PIGV: variants seen among roughly 807,000 people sequenced by gnomAD.
PIGV encodes the protein phosphatidylinositol glycan anchor biosynthesis class V.
Under a neutral mutation model 39.2 loss-of-function variants are expected in PIGV, and 27 were observed. That is an observed-to-expected ratio of 0.69 (90% CI 0.51 to 0.95). The LOEUF is 0.95. PIGV is among the 40% of genes least tolerant of loss of function. The probability of loss-of-function intolerance (pLI) is 0.00; values close to 1 mark genes in which losing one functional copy is unlikely to be tolerated. For missense variants in PIGV, 523 were observed against 586.4 expected, an observed-to-expected ratio of 0.89 and a Z score of 1.12; for synonymous variants, 232 against 241.7, an observed-to-expected ratio of 0.96 and a Z score of 0.37.
chr1:26,789,641 G>A (rs979171511), intron 1 of PIGV, among the ~76,000 whole-genome samples: 1 of 152,212 alleles, frequency 6.6e-6, no homozygotes, highest in African/African-American at 2.4e-5. Flanking sequence ...ATAAGCAATA[G>A]CAATAACGGC....
chr1:26,794,673 C>G lies in PIGV; in HGVS notation c.639C>G (p.Leu213=), dbSNP rs757584244. 1 of 1,614,250 alleles carries G rather than the reference C, an allele frequency of 6.2e-7. No individual in the cohort carries two copies. Among genetic ancestry groups the G allele is most frequent in the Non-Finnish European group, 8.5e-7 (1 of 1,180,044 alleles). Reference sequence around the variant, plus strand: ...ACGGGCTGGTCAGTGTTGGCTTCCTCATGCATTCTCAATGCCAAGGCTTTT... The same window carrying G: ...ACGGGCTGGTCAGTGTTGGCTTCCTGATGCATTCTCAATGCCAAGGCTTTT... The part of the protein sequence containing the change: ...RSNGLVSVGF[L]MHSQCQGFFS... The change falls in exon 3 of 4, where the codon CTC becomes CTG. Residue 213 remains leucine (L), a synonymous_variant. Coordinates refer to ENST00000674202, the MANE Select transcript of PIGV (RefSeq NM_017837.4).
intron 1 of PIGV, among the ~76,000 whole-genome samples, chr1:26,790,519 C>T (rs1337355270): frequency 6.6e-6 from 1 of 152,194 alleles, no homozygotes; most frequent in Non-Finnish European, 1.5e-5. Flanking sequence ...TAAAAGATTT[C>T]TGTGACCTTA....
chr1:26,797,765 C>A lies in PIGV; in HGVS notation c.1403C>A (p.Thr468Lys). The part of the protein sequence containing the change: ...LYHWKTCSPV[T>K]RYILGYFLTY... ...CACTGGAAAACCTGTTCTCCAGTCA[C>A]ACGATACATTCTAGGCTACTTCCTG... is the stretch of plus-strand genomic sequence containing the variant. The change falls in exon 4 of 4, where the codon ACA becomes AAA. Residue 468 changes from threonine to lysine, a missense_variant. Physicochemically the swap from Thr to Lys is moderately conservative, Grantham distance 78. Transcript: ENST00000674202. 1 of 1,613,872 alleles carries A rather than the reference C, an allele frequency of 6.2e-7. No homozygotes were observed. The highest frequency in any genetic ancestry group is 8.5e-7 in the Non-Finnish European group (1 of 1,179,724).
At position 26,792,265 on chromosome 1, in the gene PIGV, T is replaced by C. The variant is rs892886992; in HGVS notation, c.78+1372T>C. On this transcript the variant is annotated intron_variant, in intron 2 of 3. Coordinates refer to ENST00000674202, the MANE Select transcript of PIGV (RefSeq NM_017837.4). ...CCTCCCAGGTTTAAATGATTCTCCC[T>C]CCTCAGGCTCTGAAGTAGCTGAGGC... Among the ~76,000 whole-genome samples, 3 of 151,204 alleles carry C rather than the reference T, an allele frequency of 2.0e-5. No homozygotes were observed. The East Asian group carries it at 5.8e-4, about 29-fold the overall frequency.
chr1:26,794,581 C>A lies in PIGV; in HGVS notation c.547C>A (p.Gln183Lys). 1 of 1,614,222 alleles carries A rather than the reference C, an allele frequency of 6.2e-7. No homozygotes were observed. Among genetic ancestry groups the A allele is most frequent in the South Asian group, 1.1e-5 (1 of 91,078 alleles). Reference sequence around the variant, plus strand: ...CCTCCTGACATTCAGTGCCATGGGGCAGCTGGAGAGGGGCCGAGTCTGGAC... The same window carrying A: ...CCTCCTGACATTCAGTGCCATGGGGAAGCTGGAGAGGGGCCGAGTCTGGAC... ...FALLTFSAMG[Q>K]LERGRVWTSV... is the part of the protein sequence containing the mutation. Residue 183 changes from glutamine to lysine, a missense_variant, in exon 3 of 4, where the codon CAG becomes AAG. By Grantham distance (53) the Gln-to-Lys change is moderately conservative. Coordinates refer to ENST00000674202, the MANE Select transcript of PIGV (RefSeq NM_017837.4).
In PIGV at chr1:26,795,207, G is replaced by A; in HGVS notation, c.1173G>A (p.Leu391=). The A allele has an allele frequency of 6.2e-7, 1 of 1,613,910 alleles. No individual in the cohort carries two copies. Among genetic ancestry groups the A allele is most frequent in the Non-Finnish European group, 8.5e-7 (1 of 1,180,044 alleles). ...TGGTCCACGCTGCAGTGCTGCTGCT[G>A]TTTGGAGGTCTGTGCATGCATGTTC... ...VYVVHAAVLL[L]FGGLCMHVQV... is the part of the protein sequence containing the mutation. Residue 391 remains leucine, a synonymous_variant, in exon 3 of 4, where the codon CTG becomes CTA. Coordinates refer to ENST00000674202, the MANE Select transcript of PIGV (RefSeq NM_017837.4).
Position 26,794,242 on chromosome 1 carries a change from C to T in PIGV, c.208C>T (p.His70Tyr). The T allele has an allele frequency of 6.2e-7, 1 of 1,614,242 alleles. No homozygotes were observed. The highest frequency in any genetic ancestry group is 8.5e-7 in the Non-Finnish European group (1 of 1,180,052). ...LGGLSHWDAE[H>Y]FLFIAEHGYL... is the part of the protein sequence containing the mutation. ...CGGCCTGTCTCACTGGGATGCTGAACACTTCTTGTTCATTGCTGAGCATGG... is the reference window on the plus strand; with the variant it reads ...CGGCCTGTCTCACTGGGATGCTGAATACTTCTTGTTCATTGCTGAGCATGG... Residue 70 changes from histidine to tyrosine, a missense_variant, in exon 3 of 4, where the codon CAC (histidine) becomes TAC (tyrosine). Physicochemically the swap from His to Tyr is moderately conservative, Grantham distance 83. Transcript: ENST00000674202.
At chr1:26,792,710 G>A (rs2081327889) in intron 2 of PIGV, among the ~76,000 whole-genome samples, 1 of 152,218 alleles carries the variant, frequency 6.6e-6, no homozygotes, top group African/African-American at 2.4e-5. Flanking sequence ...ATATCCCTAA[G>A]TTACCCTTCG....
In PIGV at chr1:26,794,879, A is replaced by G. The variant is rs773648303; in HGVS notation, c.845A>G (p.Asp282Gly). 6.2e-7 allele frequency: 1 copy of G among 1,614,166 alleles called. No individual in the cohort carries two copies. Among genetic ancestry groups the G allele is most frequent in the Non-Finnish European group, 8.5e-7 (1 of 1,180,016 alleles). Residue 282 changes from aspartate to glycine, a missense_variant, in exon 3 of 4, where the codon GAC becomes GGC. Transcript: ENST00000674202. ...GAGCCTTTGGTACAGTTAGCTGTAG[A>G]CAAGGGCTACCGGATTGCAGAGGGA... Reference protein sequence around the residue: ...IPEPLVQLAVDKGYRIAEGNE... With the variant: ...IPEPLVQLAVGKGYRIAEGNE...
At position 26,798,788 on chromosome 1, in the gene PIGV, A is replaced by T. The variant is rs1011938777; in HGVS notation, c.*944A>T. ...AATTTTAAAAAGTTAAAATAATATA[A>T]ATCAGCTGGGGGAAAAAAGGGTAAG... On this transcript the variant is annotated 3_prime_UTR_variant, in exon 4 of 4. Coordinates refer to ENST00000674202, the MANE Select transcript of PIGV (RefSeq NM_017837.4). 1.3e-5 allele frequency among the ~76,000 whole-genome samples: 2 copies of T among 152,206 alleles called. No homozygotes were observed. Among genetic ancestry groups the T allele is most frequent in the African/African-American group, 4.8e-5 (2 of 41,454 alleles).
In PIGV at chr1:26,797,793, T is replaced by C. The variant is rs764100609; in HGVS notation, c.1431T>C (p.Thr477=). The C allele has an allele frequency of 8.1e-6, 13 of 1,614,052 alleles. No homozygotes were observed. The highest frequency in any genetic ancestry group is 1.1e-5 in the Non-Finnish European group (13 of 1,179,988). The change falls in exon 4 of 4, where the codon ACT becomes ACC. Residue 477 remains threonine (T), a synonymous_variant. Transcript: ENST00000674202. ...VTRYILGYFL[T]YWLLGLLLHC... ...GATACATTCTAGGCTACTTCCTGAC[T>C]TACTGGCTCCTGGGACTACTCCTAC...
rs937790386 is a variant in PIGV at position 26,788,223 on chromosome 1, C to G, written c.-103C>G. On this transcript the variant is annotated 5_prime_UTR_variant, in exon 1 of 4. Transcript: ENST00000674202. ...TCCGGCCCTGTGGCCTGGTGGGGCT[C>G]TGCAGGCTCCCTCGGGAGTGGTCCT... 1 of 152,500 alleles carries G rather than the reference C, an allele frequency of 6.6e-6. No homozygotes were observed. The highest frequency in any genetic ancestry group is 2.4e-5 in the African/African-American group (1 of 41,478). The allele number at this position is 152,500 out of a possible 1,614,324, so 9.4% of individuals were successfully genotyped here. A position where few individuals can be genotyped will look rare whatever the true frequency, so the allele number is the denominator to read the frequency against.
chr1:26,791,039 GT>G, intron 2 of PIGV, 146 bp downstream of exon 2: 1 of 684,026 alleles, frequency 1.5e-6, no homozygotes, highest in Non-Finnish European at 2.6e-6. Flanking sequence ...GAGCTGAAAA[GT>G]TGTCAGGAAT....
chr1:26,791,856 A>G (rs1022898161), intron 2 of PIGV, among the ~76,000 whole-genome samples: 4 of 152,238 alleles, frequency 2.6e-5, no homozygotes, highest in East Asian at 1.9e-4. Context: ...AAATGGTGCT[A>G]TGCTCCTGTT....
At chr1:26,789,810 TC>T (rs2081288103) in intron 1 of PIGV, among the ~76,000 whole-genome samples, 1 of 152,244 alleles carries the variant, frequency 6.6e-6, no homozygotes, top group African/African-American at 2.4e-5. Flanking sequence ...ATTTTTTTTT[TC>T]CTTTTAGGCA....
Position 26,795,104 on chromosome 1 carries a change from G to A in PIGV, c.1070G>A (p.Gly357Glu). The change falls in exon 3 of 4, where the codon GGG (glycine) becomes GAG (glutamate). Residue 357 changes from glycine (G) to glutamate (E), a missense_variant. Physicochemically the swap from Gly to Glu is moderately conservative, Grantham distance 98. Coordinates refer to ENST00000674202, the MANE Select transcript of PIGV (RefSeq NM_017837.4). The stretch of plus-strand genomic sequence containing the variant: ...CACCCTTGGCTCTGCCTTACACTTG[G>A]GCTGCAAAGGAGCAAGAACAATAAG... ...TTHPWLCLTLGLQRSKNNKTL... is the reference protein window; with the variant it reads ...TTHPWLCLTLELQRSKNNKTL... 1 of 1,614,118 alleles carries A rather than the reference G, an allele frequency of 6.2e-7. No homozygotes were observed.
intron 2 of PIGV, among the ~76,000 whole-genome samples, chr1:26,792,788 C>T (rs1448581999): frequency 1.3e-5 from 2 of 152,196 alleles, no homozygotes; most frequent in Non-Finnish European, 2.9e-5. Flanking sequence ...CACTGTCACT[C>T]TTCCCAGCAC....
rs940048236 is a variant in PIGV, at chr1:26,797,792, C to T, written c.1430C>T (p.Thr477Ile). ...CGATACATTCTAGGCTACTTCCTGA[C>T]TTACTGGCTCCTGGGACTACTCCTA... ...VTRYILGYFL[T>I]YWLLGLLLHC... The change falls in exon 4 of 4, where the codon ACT becomes ATT. Residue 477 changes from threonine (T) to isoleucine (I), a missense_variant. Transcript: ENST00000674202. The T allele has an allele frequency of 1.9e-5, 30 of 1,614,116 alleles. No homozygotes were observed. Among genetic ancestry groups the T allele is most frequent in the Non-Finnish European group, 2.5e-5 (29 of 1,179,958 alleles).
intron 3 of PIGV, 106 bp downstream of exon 3, chr1:26,795,340 A>G (rs1047928952): frequency 2.3e-6 from 3 of 1,290,942 alleles, no homozygotes; most frequent in Non-Finnish European, 1.1e-6. Flanking sequence ...TCCATACTGA[A>G]TTTATTCATT....
Sources: allele counts gnomAD v4.1 joint callset (sites outside exome capture counted in the v4.1 genomes callset), GRCh38; gene constraint gnomAD v4.1.1; transcripts MANE v1.5; gene names NCBI Gene and HGNC (gene_info 2026-07-23, HGNC 2026-07-21).